MACROH2A1: variants seen among roughly 807,000 people sequenced by gnomAD.
The protein encoded by MACROH2A1 is core histone macro-H2A.1.
MACROH2A1 carries 2 observed loss-of-function variants against 31.6 expected under a neutral mutation model. The ratio of observed to expected loss-of-function variants is 0.06; its 90% CI spans 0.03 to 0.20. MACROH2A1 has a LOEUF of 0.20. Ranked by LOEUF, MACROH2A1 falls within the 10% of genes least tolerant of loss-of-function variation. The pLI, the probability that MACROH2A1 is intolerant of heterozygous loss-of-function variation, is 1.00. For synonymous variants in MACROH2A1, 169 were observed against 189.6 expected, an observed-to-expected ratio of 0.89 and a Z score of 0.89; for missense variants, 230 against 474.0, an observed-to-expected ratio of 0.49 and a Z score of 4.78.
Position 135,345,958 on chromosome 5 carries a change from C to T in MACROH2A1, c.778+10G>A, listed in dbSNP as rs776711803. The T allele has an allele frequency of 1.3e-6, 2 of 1,540,008 alleles. No individual in the cohort carries two copies. Among genetic ancestry groups the T allele is most frequent in the Non-Finnish European group, 9.0e-7 (1 of 1,112,398 alleles). On this transcript the variant is annotated intron_variant, in intron 7 of 8. Transcript: ENST00000511689. ...ACAACCAGATAAGCACGGTGGCTTT[C>T]CCACCTCACCTCCAGCTACTTCCAA...
At chr5:135,351,528 T>C (rs1761543291) in intron 6 of MACROH2A1, 1 of 151,014 alleles carries the variant, frequency 6.6e-6, no homozygotes, top group Admixed American at 6.6e-5. Context: ...TAGCCTATCT[T>C]ATTTTTATGG....
At chr5:135,365,201 T>C (rs971833667) in intron 4 of MACROH2A1, among the ~76,000 whole-genome samples, 6 of 152,198 alleles carry the variant, frequency 3.9e-5, no homozygotes, top group African/African-American at 1.2e-4. Context: ...TTATCTTGAG[T>C]AAGGGTCCCC....
At chr5:135,344,400 C>T (rs1218562257) in intron 7 of MACROH2A1, 1 of 151,568 alleles carries the variant, frequency 6.6e-6, no homozygotes, top group Non-Finnish European at 1.5e-5. Flanking sequence ...GAATATCTGT[C>T]CAAGGGGTAT....
chr5:135,381,819 A>T (rs889436845), intron 2 of MACROH2A1, among the ~76,000 whole-genome samples: 1 of 152,240 alleles, frequency 6.6e-6, no homozygotes, highest in Non-Finnish European at 1.5e-5. Context: ...TGAATTAACA[A>T]CATGACTGAG....
At chr5:135,342,730 A>G (rs1004472236) in intron 8 of MACROH2A1, among the ~76,000 whole-genome samples, 4 of 152,208 alleles carry the variant, frequency 2.6e-5, no homozygotes, top group Non-Finnish European at 5.9e-5. Flanking sequence ...TTAGCAGGCC[A>G]GCAGGGTTAC....
chr5:135,361,078 T>G (rs3756366), intron 4 of MACROH2A1: 21,589 of 279,888 alleles, frequency 0.077, 1,173 homozygotes, highest in South Asian at 0.18. Flanking sequence ...GCTTCCACCC[T>G]TCCTTCCTTA....
At chr5:135,385,673 T>C (rs1766302572) in intron 2 of MACROH2A1, among the ~76,000 whole-genome samples, 1 of 152,084 alleles carries the variant, frequency 6.6e-6, no homozygotes. Flanking sequence ...GGTTGGCAGA[T>C]CCCCTTTCCC....
intron 5 of MACROH2A1, chr5:135,356,927 C>T (rs936935926): frequency 6.6e-6 from 1 of 152,178 alleles, no homozygotes; most frequent in Non-Finnish European, 1.5e-5. Context: ...TTTCTCATAA[C>T]AGATAAGGAA....
Position 135,369,994 on chromosome 5 carries a change from C to A in MACROH2A1, c.279+42G>T. On this transcript the variant is annotated intron_variant, in intron 3 of 8. Transcript: ENST00000511689. The surrounding 1 kb of genome is among the most constrained non-coding windows in gnomAD (Gnocchi z 4.3). ...CAGCTATGTTTCTTGGGCAGTATGA[C>A]CACCTGCTCAAACATCAGTGGGAGA... 7.7e-7 allele frequency: 1 copy of A among 1,291,212 alleles called. No homozygotes were observed. The highest frequency in any genetic ancestry group is 1.1e-6 in the Non-Finnish European group (1 of 891,052). The allele number at this position is 1,291,212 out of a possible 1,614,324, so 80.0% of individuals were successfully genotyped here.
chr5:135,336,255 G>A (rs1758634677), intron 8 of MACROH2A1, among the ~76,000 whole-genome samples: 1 of 152,174 alleles, frequency 6.6e-6, no homozygotes, highest in African/African-American at 2.4e-5. Flanking sequence ...GAACCTCCTG[G>A]CTTGGCCCTG....
intron 8 of MACROH2A1, among the ~76,000 whole-genome samples, chr5:135,337,040 GGA>G (rs1443999450): frequency 6.6e-6 from 1 of 152,246 alleles, no homozygotes; most frequent in Non-Finnish European, 1.5e-5. Context: ...GGTGCTGAGA[GGA>G]GCTGTGAGAA....
intron 4 of MACROH2A1, among the ~76,000 whole-genome samples, chr5:135,363,061 G>C (rs1763041672): frequency 6.6e-6 from 1 of 152,088 alleles, no homozygotes; most frequent in Admixed American, 6.5e-5. Flanking sequence ...CTAAGCCTTA[G>C]ATTCCTTATT....
At chr5:135,390,544 GAT>G (rs1343175907) in intron 1 of MACROH2A1, among the ~76,000 whole-genome samples, 1 of 152,210 alleles carries the variant, frequency 6.6e-6, no homozygotes, top group Non-Finnish European at 1.5e-5. Context: ...TGGGAGAGGG[GAT>G]ATGAGGGGCC....
At chr5:135,388,105 T>C (rs1269573934) in intron 2 of MACROH2A1, among the ~76,000 whole-genome samples, 1 of 144,984 alleles carries the variant, frequency 6.9e-6, no homozygotes, top group East Asian at 2.0e-4. Context: ...TACAAAAGAA[T>C]GCCAACTAAG....
intron 8 of MACROH2A1, chr5:135,337,846 A>G: frequency 1.5e-6 from 1 of 664,488 alleles, no homozygotes; most frequent in African/African-American, 1.9e-5. Context: ...CCTTGCAAGC[A>G]TTTCAGGGTT....
intron 1 of MACROH2A1, among the ~76,000 whole-genome samples, chr5:135,389,449 A>G (rs1342120460): frequency 6.6e-6 from 1 of 152,198 alleles, no homozygotes; most frequent in African/African-American, 2.4e-5. Context: ...TACACTTGAG[A>G]CTGGGGCTGA....
intron 5 of MACROH2A1, chr5:135,355,318 C>T (rs1356914248): frequency 2.2e-6 from 1 of 453,434 alleles, no homozygotes; most frequent in Admixed American, 2.4e-5. Context: ...GAGGCATCCC[C>T]ACTCTTGGAA....
At chr5:135,393,679 C>CA (rs1297161350) in intron 1 of MACROH2A1, among the ~76,000 whole-genome samples, 1 of 152,210 alleles carries the variant, frequency 6.6e-6, no homozygotes, top group Non-Finnish European at 1.5e-5. Flanking sequence ...CATGGCTCTG[C>CA]ATGCTTTGAA....
chr5:135,354,296 G>T (rs2149783017), intron 5 of MACROH2A1: 1 of 152,346 alleles, frequency 6.6e-6, no homozygotes, highest in South Asian at 2.1e-4. Flanking sequence ...TGGCACTCCA[G>T]AAGTATCGGA....
Sources: gnomAD v4.1 joint callset for allele counts (sites outside exome capture counted in the v4.1 genomes callset) on GRCh38, gnomAD v4.1.1 for gene constraint, Gnocchi (gnomAD v3.1) non-coding constraint, MANE v1.5 for transcripts, NCBI Gene and HGNC (gene_info 2026-07-23, HGNC 2026-07-21) for gene names.